SVIL: variants seen among roughly 807,000 people sequenced by gnomAD.
SVIL encodes archvillin.
A neutral mutation model predicts 240.4 loss-of-function variants in SVIL; 101 were observed. The ratio of observed to expected loss-of-function variants is 0.42; its 90% CI spans 0.36 to 0.50. SVIL has a LOEUF of 0.50. Ranked by LOEUF, SVIL falls within the 20% of genes least tolerant of loss-of-function variation. The probability of loss-of-function intolerance (pLI) is 0.01; values close to 1 mark genes in which losing one functional copy is unlikely to be tolerated. For missense variants in SVIL, 2,512 were observed against 2,818.7 expected, an observed-to-expected ratio of 0.89 and a Z score of 2.46; for synonymous variants, 999 against 1,100.0, an observed-to-expected ratio of 0.91 and a Z score of 1.82.
intron 1 of SVIL, among the ~76,000 whole-genome samples, chr10:29,703,211 TGTTTTTAAA>T (rs1399118845): frequency 6.6e-6 from 1 of 152,240 alleles, no homozygotes; most frequent in African/African-American, 2.4e-5. Context: ...TTTTCTCTGC[TGTTTTTAAA>T]GTTTCTCTGG....
chr10:29,726,610 G>A (rs1254153829), intron 1 of SVIL, among the ~76,000 whole-genome samples: 4 of 152,090 alleles, frequency 2.6e-5, no homozygotes, highest in Non-Finnish European at 5.9e-5. Context: ...AGCCAGCTGT[G>A]GTGGCAGGTG....
intron 1 of SVIL, among the ~76,000 whole-genome samples, chr10:29,621,298 C>G (rs1422155839): frequency 1.3e-5 from 2 of 152,196 alleles, no homozygotes; most frequent in African/African-American, 2.4e-5. Flanking sequence ...GAAAGTGCTG[C>G]GGGAAGGCAG....
chr10:29,489,210 G>C (rs1025170988), intron 22 of SVIL, among the ~76,000 whole-genome samples: 3 of 152,178 alleles, frequency 2.0e-5, no homozygotes, highest in Admixed American at 6.5e-5. Flanking sequence ...GGGATGATTA[G>C]GTTCTAATCT....
intron 1 of SVIL, among the ~76,000 whole-genome samples, chr10:29,614,087 A>G (rs1957347951): frequency 6.6e-6 from 1 of 152,198 alleles, no homozygotes; most frequent in Non-Finnish European, 1.5e-5. Flanking sequence ...GCTTTCTATT[A>G]TCACTAACTA....
intron 3 of SVIL, among the ~76,000 whole-genome samples, chr10:29,647,637 T>TTGTGTG (rs530113396): frequency 2.0e-5 from 3 of 150,430 alleles, no homozygotes; most frequent in Admixed American, 6.7e-5. Context: ...GTGTGTGTGT[T>TTGTGTG]TGTGTGTGTG....
intron 1 of SVIL, among the ~76,000 whole-genome samples, chr10:29,719,601 T>C (rs1005990819): frequency 2.6e-5 from 4 of 152,112 alleles, no homozygotes; most frequent in African/African-American, 9.7e-5. Flanking sequence ...GGACAAATAT[T>C]CAAGATTTTA....
rs139404850 is a variant in SVIL at position 29,702,381 on chromosome 10, A to C, written c.-399-15730T>G. Among the ~76,000 whole-genome samples, 705 of 152,152 alleles carry C rather than the reference A, an allele frequency of 4.6e-3. 4 individuals carry two copies. The highest frequency in any genetic ancestry group is 6.4e-3 in the Non-Finnish European group (437 of 68,000). Reference sequence around the variant, plus strand: ...AGCATTTATATGTCTCACTGGATCTAAGACAAAAACCATCCACACTGACCT... The same window carrying C: ...AGCATTTATATGTCTCACTGGATCTCAGACAAAAACCATCCACACTGACCT... On this transcript the variant is annotated intron_variant, in intron 1 of 35. Transcript: ENST00000375400.
intron 12 of SVIL, 59 bp from the exon 13 acceptor site, chr10:29,527,115 T>A: frequency 7.0e-7 from 1 of 1,431,958 alleles, no homozygotes; most frequent in Non-Finnish European, 9.8e-7. Context: ...AAAGAAGCAT[T>A]AAGGACAGCA....
rs533387412 is a variant in SVIL at position 29,486,338 on chromosome 10, T to C, written c.4633+72A>G. The C allele has an allele frequency of 4.8e-5, 76 of 1,597,564 alleles. No homozygotes were observed. In the African/African-American group the frequency reaches 8.8e-4, roughly 18 times the overall value. ...GTAAAATTTTATTTACAATGTAAAA[T>C]AGAAGAATGAGCTAAGGGAGAAGAA... is the stretch of plus-strand genomic sequence containing the variant. On this transcript the variant is annotated intron_variant, in intron 25 of 37. Transcript: ENST00000355867.
At chr10:29,562,787 A>G (rs866319720) in intron 3 of SVIL, among the ~76,000 whole-genome samples, 2,635 of 150,744 alleles carry the variant, frequency 0.017, 104 homozygotes, top group African/African-American at 0.061. Context: ...AAAAAAAAAA[A>G]AAAAAAAAAG....
At position 29,611,156 on chromosome 10, in the gene SVIL, G is replaced by A. The variant is rs139564634; in HGVS notation, c.-201+23264C>T. Among the ~76,000 whole-genome samples the A allele has an allele frequency of 2.4e-3, 372 of 152,140 alleles. 8 individuals carry two copies. The highest frequency in any genetic ancestry group is 0.023 in the Admixed American group (356 of 15,270). On this transcript the variant is annotated intron_variant, in intron 1 of 37. Coordinates refer to ENST00000355867, the MANE Select transcript of SVIL (RefSeq NM_021738.3). ...CTTCCTCAGTCAAGTATCCTCACTG[G>A]AGCATGATCTACAGTCCCGCCGTCT... is the stretch of plus-strand genomic sequence containing the variant.
At chr10:29,656,439 C>A (rs763771214) in intron 3 of SVIL, among the ~76,000 whole-genome samples, 2 of 151,872 alleles carry the variant, frequency 1.3e-5, no homozygotes, top group African/African-American at 2.4e-5. Flanking sequence ...ATGAAACCAA[C>A]CCAACAGTCC....
At chr10:29,622,249 CAAAAAA>C (rs71020801) in intron 1 of SVIL, among the ~76,000 whole-genome samples, 4 of 51,628 alleles carry the variant, frequency 7.7e-5, no homozygotes, top group Admixed American at 2.8e-4. Context: ...GACTCCGTCT[CAAAAAA>C]AAAAAAAAAA....
At chr10:29,488,491 G>T (rs572203309) in intron 23 of SVIL, 110 bp downstream of exon 23, 1 of 1,265,192 alleles carries the variant, frequency 7.9e-7, no homozygotes, top group Non-Finnish European at 1.0e-6. Flanking sequence ...TTCTCAAAAA[G>T]TGTGCGTTCC....
At chr10:29,726,997 A>G (rs1964329658) in intron 1 of SVIL, among the ~76,000 whole-genome samples, 1 of 152,226 alleles carries the variant, frequency 6.6e-6, no homozygotes, top group Admixed American at 6.5e-5. Context: ...CTCAATAACA[A>G]GCATTAAATG....
chr10:29,658,859 A>G (rs764260876), intron 2 of SVIL, among the ~76,000 whole-genome samples: 2 of 152,218 alleles, frequency 1.3e-5, no homozygotes, highest in Admixed American at 6.5e-5. Context: ...TTCATCACGA[A>G]GTTGGATGGA....
At chr10:29,474,855 A>G (rs372081977) in intron 29 of SVIL, among the ~76,000 whole-genome samples, 1 of 152,224 alleles carries the variant, frequency 6.6e-6, no homozygotes, top group African/African-American at 2.4e-5. Flanking sequence ...GTTCTGTCAG[A>G]AAGGAGGAGA....
In SVIL at chr10:29,470,347, C is replaced by T. The variant is rs1181496571; in HGVS notation, c.5772G>A (p.Leu1924=). The T allele has an allele frequency of 6.2e-7, 1 of 1,614,224 alleles. No individual in the cohort carries two copies. Among genetic ancestry groups the T allele is most frequent in the East Asian group, 2.2e-5 (1 of 44,880 alleles). Residue 1924 remains leucine, a synonymous_variant, in exon 32 of 38, where the codon CTG becomes CTA. Transcript: ENST00000355867. ...VLNVNKALIY[L]WHGCKAQAHT... is the part of the protein sequence containing the mutation. ...GGGCCTGGGCTTTGCATCCGTGCCA[C>T]AGGTAGATGAGGGCCTTGTTGACGT...
In SVIL at chr10:29,458,328, T is replaced by C; in HGVS notation, c.6564A>G (p.Ala2188=). The stretch of plus-strand genomic sequence containing the variant: ...TGTATTCATCCCTCGTCATGTCTAG[T>C]GCAAACTGGAAACATTGGGAGAAGC... ...IYLTDEDFEF[A]LDMTRDEYNA... Residue 2188 remains alanine (A), a synonymous_variant, in exon 38 of 38, where the codon GCA becomes GCG. Transcript: ENST00000355867. The C allele has an allele frequency of 1.9e-6, 3 of 1,614,226 alleles. No individual in the cohort carries two copies. Among genetic ancestry groups the C allele is most frequent in the Non-Finnish European group, 2.5e-6 (3 of 1,180,040 alleles).
Sources: allele counts gnomAD v4.1 joint callset (sites outside exome capture counted in the v4.1 genomes callset), GRCh38; gene constraint gnomAD v4.1.1; transcripts MANE v1.5; gene names NCBI Gene and HGNC (gene_info 2026-07-23, HGNC 2026-07-21).